The following TLL1 variants were observed in gnomAD, a reference collection of about 807,000 sequenced individuals.
TLL1 encodes tolloid like 1.
A neutral mutation model predicts 128.2 loss-of-function variants in TLL1; 49 were observed. The ratio of observed to expected loss-of-function variants is 0.38; its 90% confidence interval spans 0.30 to 0.48. TLL1 has a LOEUF of 0.48. TLL1 is among the 20% of genes least tolerant of loss of function. The pLI is 0.96. For missense variants in TLL1, 1,123 were observed against 1,242.0 expected, an observed-to-expected ratio of 0.90 and a Z score of 1.44; for synonymous variants, 454 against 418.8, an observed-to-expected ratio of 1.08 and a Z score of -1.03.
chr4:166,081,980 C>T lies in TLL1; in HGVS notation c.2442+3950C>T, dbSNP rs1353879280. 2.6e-5 allele frequency among the ~76,000 whole-genome samples: 4 copies of T among 152,096 alleles called. No individual in the cohort carries two copies. The East Asian group carries it at 7.7e-4, about 29-fold the overall frequency. On this transcript the variant is annotated intron_variant, in intron 18 of 20. Transcript: ENST00000061240. ...ATTTATTTTTCTTGCCAATATTCGA[C>T]TTGAGAATTAGGACATAAAGCATGT...
At chr4:165,919,382 CAAAAAAA>C (rs1163238067) in intron 1 of TLL1, among the ~76,000 whole-genome samples, 1 of 75,254 alleles carries the variant, frequency 1.3e-5, no homozygotes, top group African/African-American at 4.5e-5. Context: ...GACCCTGCTT[CAAAAAAA>C]AAAAAAAAAA....
At chr4:165,925,597 A>G (rs1428938832) in intron 1 of TLL1, among the ~76,000 whole-genome samples, 1 of 152,240 alleles carries the variant, frequency 6.6e-6, no homozygotes, top group Non-Finnish European at 1.5e-5. Context: ...CATTGTTGAC[A>G]TGACAACAAA....
At position 165,934,088 on chromosome 4, in the gene TLL1, TCC is replaced by T. The variant is rs370986932; in HGVS notation, c.170-55291_170-55290del. Among the ~76,000 whole-genome samples, 626 of 151,582 alleles carry T rather than the reference TCC, an allele frequency of 4.1e-3. 4 individuals carry two copies. Among genetic ancestry groups the T allele is most frequent in the African/African-American group, 0.014 (568 of 41,306 alleles). On this transcript the variant is annotated intron_variant, in intron 1 of 20. Coordinates refer to ENST00000061240, the MANE Select transcript of TLL1 (RefSeq NM_012464.5). ...ATCTTGGCTCACTGCAACCTCTGCC[TCC>T]CAGGTTCAAGTGATTCTCCTGCCTC...
chr4:166,031,532 T>C (rs1738770624), intron 9 of TLL1, among the ~76,000 whole-genome samples: 2 of 152,112 alleles, frequency 1.3e-5, no homozygotes, highest in South Asian at 4.1e-4. Flanking sequence ...CTCACGTGGC[T>C]AATTTTTGTA....
At chr4:166,087,069 G>C (rs1049869572) in intron 18 of TLL1, among the ~76,000 whole-genome samples, 1 of 152,070 alleles carries the variant, frequency 6.6e-6, no homozygotes, top group Non-Finnish European at 1.5e-5. Flanking sequence ...TCCTGTCTTG[G>C]TTCTGAAAGA....
At chr4:165,936,254 C>G (rs1165650684) in intron 1 of TLL1, among the ~76,000 whole-genome samples, 2 of 135,116 alleles carry the variant, frequency 1.5e-5, no homozygotes, top group African/African-American at 5.7e-5. Flanking sequence ...GAGTCACACT[C>G]TGTTGTCCAG....
At chr4:165,985,625 G>A (rs1736360476) in intron 1 of TLL1, among the ~76,000 whole-genome samples, 1 of 151,980 alleles carries the variant, frequency 6.6e-6, no homozygotes, top group Non-Finnish European at 1.5e-5. Flanking sequence ...AAGTGTTAGA[G>A]CTCACTGAGG....
chr4:165,947,256 A>T (rs914771494), intron 1 of TLL1, among the ~76,000 whole-genome samples: 1 of 151,930 alleles, frequency 6.6e-6, no homozygotes, highest in African/African-American at 2.4e-5. Flanking sequence ...GAGGATGCTA[A>T]TCCTATCAAA....
chr4:165,941,689 G>A (rs1734016956), intron 1 of TLL1, among the ~76,000 whole-genome samples: 1 of 152,110 alleles, frequency 6.6e-6, no homozygotes, highest in Non-Finnish European at 1.5e-5. Context: ...TAATCTAAAT[G>A]TAGGAAATAA....
At chr4:165,918,074 G>C (rs1262197721) in intron 1 of TLL1, among the ~76,000 whole-genome samples, 1 of 152,006 alleles carries the variant, frequency 6.6e-6, no homozygotes, top group African/African-American at 2.4e-5. Context: ...ACCCCCCACA[G>C]CATACATATA....
chr4:165,892,571 T>C, intron 1 of TLL1, among the ~76,000 whole-genome samples: 1 of 152,312 alleles, frequency 6.6e-6, no homozygotes, highest in East Asian at 1.9e-4. Flanking sequence ...TAAGCATTGA[T>C]CCCTTTATGC....
intron 8 of TLL1, among the ~76,000 whole-genome samples, chr4:166,019,675 C>T (rs1415308134): frequency 6.6e-6 from 1 of 151,990 alleles, no homozygotes. Context: ...GGGCAAGTTT[C>T]TAACAGGCAG....
At chr4:165,948,174 C>A (rs1734345109) in intron 1 of TLL1, among the ~76,000 whole-genome samples, 1 of 152,118 alleles carries the variant, frequency 6.6e-6, no homozygotes, top group South Asian at 2.1e-4. Flanking sequence ...GTTCTACCAT[C>A]CGTGTTCCCC....
At position 166,077,950 on chromosome 4, in the gene TLL1, C is replaced by T. The variant is rs781755818; in HGVS notation, c.2362C>T (p.Pro788Ser). 3 of 1,613,618 alleles carry T rather than the reference C, an allele frequency of 1.9e-6. No homozygotes were observed. The highest frequency in any genetic ancestry group is 2.5e-6 in the Non-Finnish European group (3 of 1,179,762). The change falls in exon 18 of 21, where the codon CCC (proline) becomes TCC (serine). Residue 788 changes from proline to serine, a missense_variant. Pro to Ser is a moderately conservative substitution (Grantham distance 74). Around this residue, in one of 3 missense-constraint regions of TLL1, gnomAD observed 634 missense variants for 672.4 expected, o/e 0.94. Coordinates refer to ENST00000061240, the MANE Select transcript of TLL1 (RefSeq NM_012464.5). Reference sequence around the variant, plus strand: ...CAGTCCAAGTGGCCTCATCACCAGTCCCAACTGGCCAGACAAGTACCCAAG... The same window carrying T: ...CAGTCCAAGTGGCCTCATCACCAGTTCCAACTGGCCAGACAAGTACCCAAG... ...IHSPSGLITS[P>S]NWPDKYPSRK...
At chr4:166,053,217 G>C (rs2111108512) in intron 12 of TLL1, 1 of 151,652 alleles carries the variant, frequency 6.6e-6, no homozygotes, top group Non-Finnish European at 1.5e-5. Context: ...CTCTCATCCA[G>C]TTACTAACTA....
intron 1 of TLL1, among the ~76,000 whole-genome samples, chr4:165,977,547 C>T (rs566612783): frequency 6.6e-6 from 1 of 152,096 alleles, no homozygotes; most frequent in South Asian, 2.1e-4. Flanking sequence ...TTTATGGTCT[C>T]AGGAAAAGAT....
intron 8 of TLL1, among the ~76,000 whole-genome samples, chr4:166,022,203 C>T (rs1217287511): frequency 6.6e-6 from 1 of 150,600 alleles, no homozygotes; most frequent in African/African-American, 2.4e-5. Flanking sequence ...ACTGCTCTGT[C>T]ACCCAGGCTG....
intron 1 of TLL1, among the ~76,000 whole-genome samples, chr4:165,935,506 A>G (rs1346856435): frequency 6.6e-6 from 1 of 152,250 alleles, no homozygotes; most frequent in African/African-American, 2.4e-5. Flanking sequence ...AATAAAAAAC[A>G]TACAGCTTAG....
Position 166,039,325 on chromosome 4 carries a change from C to T in TLL1, c.1159-14C>T, listed in dbSNP as rs1351112734. 5.0e-6 allele frequency: 8 copies of T among 1,588,862 alleles called. No homozygotes were observed. Among genetic ancestry groups the T allele is most frequent in the Non-Finnish European group, 6.9e-6 (8 of 1,157,696 alleles). On this transcript the variant is annotated splice_polypyrimidine_tract_variant and intron_variant, in intron 9 of 20. Transcript: ENST00000061240. ...TCATTTTTACTCTGTGGGTTGCTTA[C>T]CTCCATTTTGCAGATTGTTTTAAAT...
Sources: gnomAD v4.1 joint callset for allele counts (sites outside exome capture counted in the v4.1 genomes callset) on GRCh38, gnomAD v4.1.1 for gene constraint, gnomAD v4.1.1 regional missense constraint, MANE v1.5 for transcripts, NCBI Gene and HGNC (gene_info 2026-07-23, HGNC 2026-07-21) for gene names.